Variants in ITSN2 observed in about 807,000 individuals in gnomAD.
ITSN2 encodes intersectin 2.
A neutral mutation model predicts 243.7 loss-of-function variants in ITSN2; 156 were observed. The observed-to-expected ratio is 0.64, with a 90% confidence interval of 0.56 to 0.73. The LOEUF is 0.73. Ranked by LOEUF, ITSN2 falls within the 30% of genes least tolerant of loss-of-function variation. The pLI is 0.00. For missense variants in ITSN2, 1,801 were observed against 1,996.1 expected (o/e 0.90, Z 1.86); for synonymous variants, 703 against 699.9 (o/e 1.00, Z -0.07).
chr2:24,266,698 G>C (rs1478764723), intron 20 of ITSN2, among the ~76,000 whole-genome samples: 1 of 151,248 alleles, frequency 6.6e-6, no homozygotes, highest in African/African-American at 2.4e-5. Flanking sequence ...GGAAGCCAAG[G>C]TAAGAGGGTT....
chr2:24,257,825 T>G, intron 23 of ITSN2, 63 bp downstream of exon 23: 1 of 1,217,696 alleles, frequency 8.2e-7, no homozygotes, highest in Non-Finnish European at 1.2e-6. Flanking sequence ...AATCAGACCA[T>G]GGCTGACTCA....
intron 20 of ITSN2, among the ~76,000 whole-genome samples, chr2:24,268,521 C>A (rs1676946182): frequency 6.6e-6 from 1 of 152,138 alleles, no homozygotes; most frequent in Non-Finnish European, 1.5e-5. Context: ...GAAGTGCCTT[C>A]CTGATGCTGT....
chr2:24,331,948 T>C (rs1298313840), intron 1 of ITSN2, among the ~76,000 whole-genome samples: 1 of 152,060 alleles, frequency 6.6e-6, no homozygotes, highest in Admixed American at 6.6e-5. Flanking sequence ...AGAAGGGAGT[T>C]TGAAAGTTGT....
At chr2:24,324,264 T>A (rs922583668) in intron 2 of ITSN2, among the ~76,000 whole-genome samples, 2 of 151,848 alleles carry the variant, frequency 1.3e-5, no homozygotes, top group African/African-American at 2.4e-5. Flanking sequence ...TTAAATTAAA[T>A]TTTTTTTAAA....
In ITSN2 at chr2:24,306,276, GGCCT is replaced by G. The variant is rs552452936; in HGVS notation, c.793+2337_793+2340del. Among the ~76,000 whole-genome samples, 372 of 152,160 alleles carry G rather than the reference GGCCT, an allele frequency of 2.4e-3. 2 individuals carry two copies. Among genetic ancestry groups the G allele is most frequent in the Non-Finnish European group, 3.9e-3 (263 of 68,004 alleles). The stretch of plus-strand genomic sequence containing the variant: ...ATTACAGGTGTGAGCCACTGCACCC[GGCCT>G]GCCTAATGAATTTTTACACAGGTAT... On this transcript the variant is annotated intron_variant, in intron 8 of 39. Transcript: ENST00000355123.
At position 24,220,600 on chromosome 2, in the gene ITSN2, G is replaced by A. The variant is rs1053319971; in HGVS notation, c.3699+345C>T. ...TTAGGCAAATATCCAAGGAAGCTAC[G>A]GTCTGCCATAGGCCCTTCCCATCCA... is the stretch of plus-strand genomic sequence containing the variant. On this transcript the variant is annotated intron_variant, in intron 30 of 39. Coordinates refer to ENST00000355123, the MANE Select transcript of ITSN2 (RefSeq NM_006277.3). 15 of 1,136,244 alleles carry A rather than the reference G, an allele frequency of 1.3e-5. No individual in the cohort carries two copies. The African/African-American group carries it at 1.4e-4, about 11-fold the overall frequency. The allele number at this position is 1,136,244 out of a possible 1,614,324, so 70.4% of individuals were successfully genotyped here.
chr2:24,272,424 CTTTTTTTTTT>C (rs528083155), intron 18 of ITSN2, among the ~76,000 whole-genome samples: 1 of 123,432 alleles, frequency 8.1e-6, no homozygotes, highest in African/African-American at 3.1e-5. Flanking sequence ...AAACAACCTA[CTTTTTTTTTT>C]TTTTTTTTTT....
chr2:24,212,825 G>C, intron 32 of ITSN2, 77 bp from the exon 33 acceptor site: 3 of 1,138,168 alleles, frequency 2.6e-6, no homozygotes, highest in Non-Finnish European at 4.0e-6. Context: ...TCGCCTTTTA[G>C]ATTTCACATT....
intron 2 of ITSN2, among the ~76,000 whole-genome samples, chr2:24,320,750 A>C (rs1256913574): frequency 1.4e-5 from 2 of 141,190 alleles, no homozygotes; most frequent in East Asian, 2.1e-4. Context: ...AAAAAAAAAA[A>C]CAAAAAAACA....
chr2:24,344,062 T>G (rs1000339108), intron 1 of ITSN2, among the ~76,000 whole-genome samples: 1 of 152,222 alleles, frequency 6.6e-6, no homozygotes, highest in Non-Finnish European at 1.5e-5. Context: ...CCAAATAAAA[T>G]TATGCTAGCC....
rs190613558 is a variant in ITSN2, at chr2:24,253,262, A to T, written c.2954-751T>A. 3.4e-3 allele frequency among the ~76,000 whole-genome samples: 522 copies of T among 152,272 alleles called. 2 individuals carry two copies. The highest frequency in any genetic ancestry group is 6.5e-3 in the Admixed American group (99 of 15,282). ...TATCATAAACTTGAGACGATGAGAA[A>T]CACCACCTACAACCTATTTACTATT... On this transcript the variant is annotated intron_variant, in intron 24 of 39. Transcript: ENST00000355123.
At chr2:24,340,726 C>A (rs1379797596) in intron 1 of ITSN2, among the ~76,000 whole-genome samples, 2 of 151,792 alleles carry the variant, frequency 1.3e-5, no homozygotes, top group Middle Eastern at 3.4e-3. Context: ...CATTATAGAT[C>A]CTGTGTTCTC....
At chr2:24,269,146 G>C (rs1173328074) in intron 20 of ITSN2, among the ~76,000 whole-genome samples, 6 of 150,756 alleles carry the variant, frequency 4.0e-5, no homozygotes, top group African/African-American at 1.5e-4. Flanking sequence ...CTCAGGAACT[G>C]CATCCTCAAT....
chr2:24,289,734 T>A (rs549794166), intron 15 of ITSN2, among the ~76,000 whole-genome samples: 3 of 152,340 alleles, frequency 2.0e-5, no homozygotes, highest in African/African-American at 7.2e-5. Flanking sequence ...CGGCCCAGGA[T>A]GGCTTTCAAT....
chr2:24,291,857 A>T (rs1276695902), intron 15 of ITSN2, among the ~76,000 whole-genome samples: 1 of 152,190 alleles, frequency 6.6e-6, no homozygotes, highest in Non-Finnish European at 1.5e-5. Flanking sequence ...ATTTGATGAC[A>T]TATATGAGCA....
At chr2:24,288,969 A>G (rs765353315) in intron 15 of ITSN2, among the ~76,000 whole-genome samples, 5 of 152,138 alleles carry the variant, frequency 3.3e-5, no homozygotes, top group Non-Finnish European at 5.9e-5. Flanking sequence ...TTGCAGGTTC[A>G]TGTTGTCCCT....
At chr2:24,313,086 T>C (rs1574275039) in intron 4 of ITSN2, among the ~76,000 whole-genome samples, 1 of 151,040 alleles carries the variant, frequency 6.6e-6, no homozygotes, top group Non-Finnish European at 1.5e-5. Flanking sequence ...AAATACCTTT[T>C]TTTTTTTTTT....
intron 29 of ITSN2, among the ~76,000 whole-genome samples, chr2:24,226,150 C>T (rs1297622301): frequency 6.6e-6 from 1 of 152,198 alleles, no homozygotes; most frequent in Non-Finnish European, 1.5e-5. Context: ...AGCGTGTTGG[C>T]TACCTGCAGT....
At chr2:24,309,575 A>G (rs1682994251) in intron 7 of ITSN2, among the ~76,000 whole-genome samples, 1 of 152,242 alleles carries the variant, frequency 6.6e-6, no homozygotes, top group Non-Finnish European at 1.5e-5. Flanking sequence ...AGCAAAGACC[A>G]TAAGAAGTAT....
Sources: allele counts gnomAD v4.1 joint callset (sites outside exome capture counted in the v4.1 genomes callset), GRCh38; gene constraint gnomAD v4.1.1; transcripts MANE v1.5; gene names NCBI Gene and HGNC (gene_info 2026-07-23, HGNC 2026-07-21).